Variants in COPS2 observed in about 807,000 individuals in gnomAD.
COPS2 encodes the protein COP9 signalosome subunit 2.
In COPS2, 10 loss-of-function variants were observed where a neutral mutation model predicts 66.1. The observed-to-expected ratio is 0.15, with a 90% CI of 0.09 to 0.26. The LOEUF (loss-of-function observed/expected upper bound fraction) is 0.26. COPS2 is among the 10% of genes least tolerant of loss of function. The probability of loss-of-function intolerance (pLI) is 1.00; values close to 1 mark genes in which losing one functional copy is unlikely to be tolerated. For missense variants in COPS2, 215 were observed against 513.3 expected (o/e 0.42, Z 5.62); for synonymous variants, 179 against 171.3 (o/e 1.04, Z -0.35).
chr15:49,134,541 A>G (rs1362084938), intron 6 of COPS2, 27 bp from the exon 7 acceptor site: 1 of 1,549,716 alleles, frequency 6.5e-7, no homozygotes, highest in Non-Finnish European at 8.8e-7. Context: ...TTAACTTTAG[A>G]CAAGATAGAA....
At chr15:49,134,883 AC>A (rs141308737) in intron 6 of COPS2, among the ~76,000 whole-genome samples, 28,347 of 152,098 alleles carry the variant, frequency 0.19, 2,792 homozygotes, top group Non-Finnish European at 0.21. Flanking sequence ...GGAAACCATG[AC>A]CTTAAGCAAA....
intron 1 of COPS2, among the ~76,000 whole-genome samples, chr15:49,153,447 C>T (rs893044341): frequency 1.3e-5 from 2 of 152,062 alleles, no homozygotes; most frequent in East Asian, 3.8e-4. Flanking sequence ...AACTCTTCTA[C>T]ACTTTTGATG....
chr15:49,139,856 G>C (rs1049760716), intron 3 of COPS2, among the ~76,000 whole-genome samples: 1 of 152,128 alleles, frequency 6.6e-6, no homozygotes, highest in Admixed American at 6.5e-5. Flanking sequence ...CAAACCAAAT[G>C]TATAAAGTTA....
At chr15:49,144,126 C>T (rs2084306421) in intron 3 of COPS2, 101 bp downstream of exon 3, 1 of 783,858 alleles carries the variant, frequency 1.3e-6, no homozygotes, top group Non-Finnish European at 2.2e-6. Flanking sequence ...AAAACACATC[C>T]AAAGAAGTAC....
At chr15:49,146,534 C>T (rs549828174) in intron 1 of COPS2, among the ~76,000 whole-genome samples, 2 of 152,222 alleles carry the variant, frequency 1.3e-5, no homozygotes, top group Admixed American at 1.3e-4. Flanking sequence ...CTAGACAAAA[C>T]AGGAGAGGAT....
chr15:49,134,521 A>G lies in COPS2; in HGVS notation c.541-7T>C, dbSNP rs1249383775. The G allele has an allele frequency of 6.3e-7, 1 of 1,599,368 alleles. No homozygotes were observed. Among genetic ancestry groups the G allele is most frequent in the Non-Finnish European group, 8.5e-7 (1 of 1,172,846 alleles). ...CATCTTCTCCATCATCAGTCTAGGA[A>G]AGCAAATATTTAACTTTAGACAAGA... On this transcript the variant is annotated splice_polypyrimidine_tract_variant and splice_region_variant and intron_variant, in intron 6 of 12. Coordinates refer to ENST00000388901, the MANE Select transcript of COPS2 (RefSeq NM_004236.4).
At chr15:49,146,040 T>C (rs1409258238) in intron 1 of COPS2, among the ~76,000 whole-genome samples, 1 of 152,132 alleles carries the variant, frequency 6.6e-6, no homozygotes. Flanking sequence ...AGGTAACAAA[T>C]TTCTTTATGA....
rs954685986 is a variant in COPS2 at position 49,125,837 on chromosome 15, C to T, written c.*2113G>A. Reference sequence around the variant, plus strand: ...AGCCCAGTTTTCCAAATAACAAGTGCATGCTTTCTCTCTAGAAAGTGGAAG... The same window carrying T: ...AGCCCAGTTTTCCAAATAACAAGTGTATGCTTTCTCTCTAGAAAGTGGAAG... On this transcript the variant is annotated 3_prime_UTR_variant, in exon 13 of 13. Transcript: ENST00000388901. 2 of 152,098 alleles carry T rather than the reference C, an allele frequency of 1.3e-5. No homozygotes were observed. The highest frequency in any genetic ancestry group is 4.8e-5 in the African/African-American group (2 of 41,450). 9.4% of individuals were successfully genotyped at this position (152,098 alleles called of 1,614,324 possible).
At chr15:49,129,956 A>G (rs1437177296) in intron 10 of COPS2, among the ~76,000 whole-genome samples, 2 of 152,154 alleles carry the variant, frequency 1.3e-5, no homozygotes, top group African/African-American at 4.8e-5. Context: ...AATTTCCTCC[A>G]GTTTTGTCTG....
chr15:49,143,063 A>T (rs923226117), intron 3 of COPS2, among the ~76,000 whole-genome samples: 1 of 152,200 alleles, frequency 6.6e-6, no homozygotes, highest in Admixed American at 6.5e-5. Context: ...GGCCATCCTG[A>T]TAAGTGGTGC....
chr15:49,141,860 T>C (rs2084291743), intron 3 of COPS2, among the ~76,000 whole-genome samples: 19 of 152,150 alleles, frequency 1.2e-4, no homozygotes, highest in Admixed American at 1.2e-3. Flanking sequence ...CAAGGTAAAA[T>C]GGCAAAACCA....
At chr15:49,143,215 T>C (rs1324421680) in intron 3 of COPS2, among the ~76,000 whole-genome samples, 3 of 152,084 alleles carry the variant, frequency 2.0e-5, no homozygotes, top group Non-Finnish European at 4.4e-5. Context: ...AGAAGGCCAG[T>C]GATGGAGCAA....
chr15:49,144,798 C>T (rs1409230490), intron 2 of COPS2, among the ~76,000 whole-genome samples, 167 bp downstream of exon 2: 1 of 152,168 alleles, frequency 6.6e-6, no homozygotes, highest in Non-Finnish European at 1.5e-5. Context: ...TTGGAAAAAA[C>T]ATCAGGATAA....
At chr15:49,129,079 T>C (rs186141441) in intron 11 of COPS2, among the ~76,000 whole-genome samples, 37 of 152,302 alleles carry the variant, frequency 2.4e-4, no homozygotes, top group Middle Eastern at 6.8e-3. Flanking sequence ...AGAAATTTAG[T>C]GATTCCTAAT....
intron 1 of COPS2, among the ~76,000 whole-genome samples, chr15:49,154,568 G>C (rs564908041): frequency 3.3e-5 from 5 of 152,262 alleles, no homozygotes; most frequent in African/African-American, 1.2e-4. Context: ...GTAACTTTAT[G>C]ATAATGCAGC....
chr15:49,127,871 G>A lies in COPS2; in HGVS notation c.*79C>T. The A allele has an allele frequency of 7.0e-7, 1 of 1,419,014 alleles. No individual in the cohort carries two copies. The highest frequency in any genetic ancestry group is 9.6e-7 in the Non-Finnish European group (1 of 1,044,242). 87.9% of individuals were successfully genotyped at this position (1,419,014 alleles called of 1,614,324 possible). A position where few individuals can be genotyped will look rare whatever the true frequency, so the allele number is the denominator to read the frequency against. On this transcript the variant is annotated 3_prime_UTR_variant, in exon 13 of 13. Coordinates refer to ENST00000388901, the MANE Select transcript of COPS2 (RefSeq NM_004236.4). ...TTTCAGGACACATCAACCGACAGTA[G>A]TTTTGCCATTCCCAGTTCTTTTAAG...
intron 3 of COPS2, among the ~76,000 whole-genome samples, chr15:49,141,393 G>T (rs529770379): frequency 1.3e-5 from 2 of 152,202 alleles, no homozygotes; most frequent in Non-Finnish European, 2.9e-5. Flanking sequence ...GCTACTTGGA[G>T]GCTGAGGGAG....
intron 9 of COPS2, among the ~76,000 whole-genome samples, chr15:49,133,076 C>A (rs1434421993): frequency 2.0e-5 from 3 of 150,818 alleles, no homozygotes; most frequent in Non-Finnish European, 4.4e-5. Context: ...GCCACCTCTG[C>A]CTCCCGGGTT....
intron 1 of COPS2, among the ~76,000 whole-genome samples, chr15:49,150,366 T>C (rs2084351543): frequency 6.6e-6 from 1 of 152,138 alleles, no homozygotes; most frequent in Non-Finnish European, 1.5e-5. Context: ...ATAATATGGA[T>C]TATACCGTCT....
Sources: allele counts gnomAD v4.1 joint callset (sites outside exome capture counted in the v4.1 genomes callset), GRCh38; gene constraint gnomAD v4.1.1; transcripts MANE v1.5; gene names NCBI Gene and HGNC (gene_info 2026-07-23, HGNC 2026-07-21).